BMPR2: variants seen among roughly 807,000 people sequenced by gnomAD.
The protein encoded by BMPR2 is bone morphogenetic protein receptor type 2.
BMPR2 carries 29 observed loss-of-function variants against 100.8 expected under a neutral mutation model. The ratio of observed to expected loss-of-function variants is 0.29; its 90% CI spans 0.21 to 0.39. BMPR2 has a LOEUF of 0.39. Ranked by LOEUF, BMPR2 falls within the 10% of genes least tolerant of loss-of-function variation. The probability of loss-of-function intolerance (pLI) is 1.00; values close to 1 mark genes in which losing one functional copy is unlikely to be tolerated. For missense variants in BMPR2, 1,011 were observed against 1,274.5 expected (o/e 0.79, Z 3.15); for synonymous variants, 382 against 442.3 (o/e 0.86, Z 1.71).
At chr2:202,473,518 C>T (rs985519881) in intron 3 of BMPR2, among the ~76,000 whole-genome samples, 8 of 152,048 alleles carry the variant, frequency 5.3e-5, no homozygotes, top group African/African-American at 1.7e-4. Flanking sequence ...TGGCCAGGCG[C>T]GGTGGCTTAC....
chr2:202,534,994 G>GGCCGGGCGGGGGGCTGACCCCC, intron 9 of BMPR2, among the ~76,000 whole-genome samples: 3 of 14,238 alleles, frequency 2.1e-4, no homozygotes, highest in Non-Finnish European at 5.0e-4. Flanking sequence ...CTGACCCCCT[G>GGCCGGGCGGGGGGCTGACCCCC]CCACCTCCCT....
intron 3 of BMPR2, among the ~76,000 whole-genome samples, chr2:202,488,936 T>G (rs1692840401): frequency 6.6e-6 from 1 of 152,036 alleles, no homozygotes; most frequent in South Asian, 2.1e-4. Flanking sequence ...ACTTTGTGTC[T>G]GATGAATTTT....
Position 202,555,305 on chromosome 2 carries a change from C to A in BMPR2, c.1640C>A (p.Ser547Tyr), listed in dbSNP as rs1431401333. The A allele has an allele frequency of 1.9e-6, 3 of 1,614,152 alleles. No homozygotes were observed. The highest frequency in any genetic ancestry group is 1.6e-4 in the Middle Eastern group (1 of 6,062). Residue 547 changes from serine (S) to tyrosine (Y), a missense_variant, in exon 12 of 13, where the codon TCT (serine) becomes TAT (tyrosine). By Grantham distance (144) the Ser-to-Tyr change is moderately radical. Transcript: ENST00000374580. ...AAAATTGGTCCTTATCCAGATTATT[C>A]TTCCTCCTCATACATTGAAGACTCT... ...VPKIGPYPDY[S>Y]SSSYIEDSIH... is the part of the protein sequence containing the mutation.
intron 1 of BMPR2, among the ~76,000 whole-genome samples, chr2:202,407,017 GGCTCACT>G (rs950844550): frequency 2.0e-5 from 3 of 150,666 alleles, no homozygotes; most frequent in Non-Finnish European, 4.4e-5. Flanking sequence ...GTGTGATCTC[GGCTCACT>G]GCAACCTCTG....
chr2:202,387,225 T>C (rs957997757), intron 1 of BMPR2, among the ~76,000 whole-genome samples: 3 of 152,232 alleles, frequency 2.0e-5, no homozygotes, highest in Non-Finnish European at 4.4e-5. Flanking sequence ...TACCTTATTC[T>C]ATCTAATTTG....
chr2:202,556,627 T>A, intron 12 of BMPR2, 96 bp downstream of exon 12: 2 of 1,376,190 alleles, frequency 1.5e-6, no homozygotes, highest in Non-Finnish European at 2.0e-6. Flanking sequence ...CAACTAGTGA[T>A]TATTTACCTT....
chr2:202,522,230 G>A (rs1481476372), intron 7 of BMPR2, among the ~76,000 whole-genome samples: 6 of 151,986 alleles, frequency 3.9e-5, no homozygotes, highest in South Asian at 4.1e-4. Flanking sequence ...ATTCTTGGCC[G>A]GGCACGGTGG....
rs1040659468 is a variant in BMPR2, at chr2:202,502,951, C to A, written c.419-10768C>A. Among the ~76,000 whole-genome samples the A allele has an allele frequency of 2.0e-5, 3 of 152,138 alleles. No homozygotes were observed. The East Asian group carries it at 5.8e-4, about 29-fold the overall frequency. On this transcript the variant is annotated intron_variant, in intron 3 of 12. Transcript: ENST00000374580. The stretch of plus-strand genomic sequence containing the variant: ...CCTGTATTTTTAACCTTGTCAAATT[C>A]GTTTCCTCTAGAATCGAGGCCATCA...
chr2:202,479,737 C>T (rs1692623764), intron 3 of BMPR2, among the ~76,000 whole-genome samples: 1 of 152,034 alleles, frequency 6.6e-6, no homozygotes, highest in South Asian at 2.1e-4. Flanking sequence ...CTTTTCATTT[C>T]CAATTTTTTA....
chr2:202,550,209 A>C (rs1688451326), intron 10 of BMPR2, among the ~76,000 whole-genome samples: 2 of 152,072 alleles, frequency 1.3e-5, no homozygotes, highest in South Asian at 2.1e-4. Context: ...CTCTACTAAA[A>C]ATACAAAAAC....
At chr2:202,459,349 C>CTT (rs960359181) in intron 1 of BMPR2, among the ~76,000 whole-genome samples, 18 of 152,148 alleles carry the variant, frequency 1.2e-4, no homozygotes, top group African/African-American at 4.3e-4. Context: ...TTACATTTAA[C>CTT]TTTTAAGTTC....
At chr2:202,539,570 G>A (rs1462572276) in intron 9 of BMPR2, among the ~76,000 whole-genome samples, 1 of 151,806 alleles carries the variant, frequency 6.6e-6, no homozygotes, top group Non-Finnish European at 1.5e-5. Context: ...AATGCAGTAT[G>A]TGCTGTATTA....
At chr2:202,480,420 C>T (rs528025841) in intron 3 of BMPR2, among the ~76,000 whole-genome samples, 4 of 152,184 alleles carry the variant, frequency 2.6e-5, no homozygotes, top group African/African-American at 7.2e-5. Flanking sequence ...TGAGCCACCA[C>T]GCCCAACCTG....
At chr2:202,452,968 G>C (rs977858957) in intron 1 of BMPR2, among the ~76,000 whole-genome samples, 7 of 152,144 alleles carry the variant, frequency 4.6e-5, no homozygotes, top group Non-Finnish European at 1.0e-4. Flanking sequence ...AGGCACTCCA[G>C]GTAAAGAGAA....
At chr2:202,528,699 T>C (rs1315760614) in intron 7 of BMPR2, among the ~76,000 whole-genome samples, 3 of 152,208 alleles carry the variant, frequency 2.0e-5, no homozygotes, top group Non-Finnish European at 4.4e-5. Context: ...ATTGAATATC[T>C]CATGTGATTT....
Position 202,566,021 on chromosome 2 carries a change from T to C in BMPR2, c.*6075T>C, listed in dbSNP as rs958247961. On this transcript the variant is annotated 3_prime_UTR_variant, in exon 13 of 13. Transcript: ENST00000374580. ...TTAAACATTGTGAACATACACATTT[T>C]TAAAACAACTTGAAACCCATTTTAA... The C allele has an allele frequency of 5.9e-5, 9 of 152,200 alleles. No individual in the cohort carries two copies. Among genetic ancestry groups the C allele is most frequent in the Non-Finnish European group, 1.2e-4 (8 of 67,998 alleles). 9.4% of individuals were successfully genotyped at this position (152,200 alleles called of 1,614,324 possible).
chr2:202,425,992 G>A (rs996591026), intron 1 of BMPR2, among the ~76,000 whole-genome samples: 5 of 152,112 alleles, frequency 3.3e-5, no homozygotes, highest in Non-Finnish European at 5.9e-5. Flanking sequence ...CAATCCAAAA[G>A]GGAAATGTGA....
intron 9 of BMPR2, among the ~76,000 whole-genome samples, chr2:202,535,886 C>A (rs982119059): frequency 4.6e-5 from 7 of 152,204 alleles, no homozygotes; most frequent in Non-Finnish European, 7.3e-5. Context: ...GGCTGGAGAC[C>A]GGCCTGGCCA....
intron 3 of BMPR2, among the ~76,000 whole-genome samples, chr2:202,512,756 A>G (rs572726715): frequency 6.6e-6 from 1 of 152,288 alleles, no homozygotes; most frequent in South Asian, 2.1e-4. Context: ...TTCCCATTCC[A>G]TTCTGCAAGT....
Sources: gnomAD v4.1 joint callset for allele counts (sites outside exome capture counted in the v4.1 genomes callset) on GRCh38, gnomAD v4.1.1 for gene constraint, MANE v1.5 for transcripts, NCBI Gene and HGNC (gene_info 2026-07-23, HGNC 2026-07-21) for gene names.